The following MGMT variants were observed in gnomAD, a reference collection of about 807,000 sequenced individuals.
MGMT encodes the protein methylated-DNA--protein-cysteine methyltransferase.
In MGMT, 14 loss-of-function variants were observed where a neutral mutation model predicts 15.9. The ratio of observed to expected loss-of-function variants is 0.88; its 90% confidence interval spans 0.58 to 1.37. MGMT has a LOEUF of 1.37. MGMT is among the 40% of genes most tolerant of loss of function. MGMT has a pLI of 0.00. For synonymous variants in MGMT, 130 were observed against 118.2 expected (o/e 1.10, Z -0.65); for missense variants, 282 against 268.1 (o/e 1.05, Z -0.36).
intron 1 of MGMT, among the ~76,000 whole-genome samples, chr10:129,482,117 G>A (rs991032543): frequency 4.6e-5 from 7 of 152,086 alleles, no homozygotes; most frequent in Non-Finnish European, 1.0e-4. Context: ...GATTCAGAGT[G>A]GCGTATTTCC....
chr10:129,691,421 G>C (rs976440634), intron 2 of MGMT, among the ~76,000 whole-genome samples: 1 of 152,244 alleles, frequency 6.6e-6, no homozygotes, highest in Non-Finnish European at 1.5e-5. Flanking sequence ...TCAGCCCCAG[G>C]CAGTGTCCTG....
chr10:129,628,230 C>G (rs1847172319), intron 2 of MGMT, among the ~76,000 whole-genome samples: 1 of 152,188 alleles, frequency 6.6e-6, no homozygotes, highest in Non-Finnish European at 1.5e-5. Flanking sequence ...AAAACCATAA[C>G]TTCATGGAAC....
chr10:129,628,344 A>G (rs1355090541), intron 2 of MGMT, among the ~76,000 whole-genome samples: 2 of 152,242 alleles, frequency 1.3e-5, no homozygotes, highest in Admixed American at 6.5e-5. Context: ...AAGAAGTTCC[A>G]GTGAGCAAAT....
chr10:129,681,556 A>C (rs751529015), intron 2 of MGMT, among the ~76,000 whole-genome samples: 27 of 152,248 alleles, frequency 1.8e-4, no homozygotes, highest in Non-Finnish European at 3.5e-4. Context: ...TAAAAAGAGA[A>C]CAGAGACAAG....
chr10:129,736,231 G>A (rs931440791), intron 3 of MGMT, among the ~76,000 whole-genome samples: 2 of 149,384 alleles, frequency 1.3e-5, no homozygotes, highest in East Asian at 2.0e-4. Flanking sequence ...CTTGCTTTAC[G>A]AATCTGGGTG....
intron 4 of MGMT, among the ~76,000 whole-genome samples, chr10:129,762,173 C>T (rs1848881496): frequency 6.6e-6 from 1 of 152,194 alleles, no homozygotes; most frequent in African/African-American, 2.4e-5. Context: ...TCCACTCCAG[C>T]CCAGACGGTG....
chr10:129,481,418 C>T (rs1246109143), intron 1 of MGMT, among the ~76,000 whole-genome samples: 1 of 152,178 alleles, frequency 6.6e-6, no homozygotes, highest in African/African-American at 2.4e-5. Flanking sequence ...CAGCAGCATT[C>T]CTGGAGTGTC....
chr10:129,520,035 A>C (rs1845786099), intron 1 of MGMT, among the ~76,000 whole-genome samples: 1 of 152,194 alleles, frequency 6.6e-6, no homozygotes, highest in Non-Finnish European at 1.5e-5. Flanking sequence ...AGAAAATTCC[A>C]GAAAACGTTT....
intron 2 of MGMT, among the ~76,000 whole-genome samples, chr10:129,692,571 A>C (rs1847981730): frequency 6.6e-6 from 1 of 152,190 alleles, no homozygotes; most frequent in South Asian, 2.1e-4. Context: ...CCCATGTGGC[A>C]ACAGATATGA....
intron 2 of MGMT, among the ~76,000 whole-genome samples, chr10:129,541,123 A>G (rs1234277523): frequency 6.6e-6 from 1 of 152,226 alleles, no homozygotes; most frequent in East Asian, 1.9e-4. Flanking sequence ...TTGTGTACAA[A>G]GTGTGATTCC....
At chr10:129,591,811 A>T (rs1846689844) in intron 2 of MGMT, among the ~76,000 whole-genome samples, 1 of 152,114 alleles carries the variant, frequency 6.6e-6, no homozygotes, top group African/African-American at 2.4e-5. Flanking sequence ...GGCACCTGTA[A>T]TCTCAGCTAC....
chr10:129,684,685 C>T (rs1847886771), intron 2 of MGMT, among the ~76,000 whole-genome samples: 1 of 152,188 alleles, frequency 6.6e-6, no homozygotes, highest in South Asian at 2.1e-4. Flanking sequence ...CCACCTAGCT[C>T]ATTTAGAGAC....
At chr10:129,761,908 A>G (rs933583722) in intron 4 of MGMT, among the ~76,000 whole-genome samples, 1 of 152,212 alleles carries the variant, frequency 6.6e-6, no homozygotes, top group Admixed American at 6.5e-5. Context: ...CAGACGCCTC[A>G]AATTATAGCA....
chr10:129,571,891 G>A (rs1035722977), intron 2 of MGMT, among the ~76,000 whole-genome samples: 2 of 152,176 alleles, frequency 1.3e-5, no homozygotes, highest in African/African-American at 4.8e-5. Flanking sequence ...ACCTCTTCAT[G>A]CATGCAAGAA....
intron 1 of MGMT, among the ~76,000 whole-genome samples, chr10:129,494,421 G>A (rs889864500): frequency 5.3e-5 from 8 of 152,164 alleles, no homozygotes; most frequent in African/African-American, 1.7e-4. Context: ...CACTTGCTGC[G>A]TGTCAGCCGG....
intron 1 of MGMT, among the ~76,000 whole-genome samples, chr10:129,535,245 T>C (rs560033111): frequency 3.9e-5 from 6 of 152,164 alleles, no homozygotes; most frequent in African/African-American, 1.2e-4. Context: ...TGAGAAGCTG[T>C]GGCAATGGGA....
chr10:129,642,221 G>T (rs759218831), intron 2 of MGMT, among the ~76,000 whole-genome samples: 1 of 152,076 alleles, frequency 6.6e-6, no homozygotes, highest in African/African-American at 2.4e-5. Context: ...GGGCGGGCGG[G>T]CGGGCGTAGG....
intron 2 of MGMT, among the ~76,000 whole-genome samples, chr10:129,632,329 C>T (rs1847219244): frequency 6.6e-6 from 1 of 152,158 alleles, no homozygotes; most frequent in Non-Finnish European, 1.5e-5. Flanking sequence ...CTTGATAGAG[C>T]ACTTTCTTAA....
chr10:129,653,585 G>T (rs571502400), intron 2 of MGMT, among the ~76,000 whole-genome samples: 4 of 152,218 alleles, frequency 2.6e-5, no homozygotes, highest in Admixed American at 2.6e-4. Flanking sequence ...GTGGCCTCAC[G>T]TGGCCTCCCT....
Sources: gnomAD v4.1 joint callset for allele counts (sites outside exome capture counted in the v4.1 genomes callset) on GRCh38, gnomAD v4.1.1 for gene constraint, MANE v1.5 for transcripts, NCBI Gene and HGNC (gene_info 2026-07-23, HGNC 2026-07-21) for gene names.